LINGO2: variants seen among roughly 807,000 people sequenced by gnomAD.
The protein encoded by LINGO2 is leucine-rich repeat and immunoglobulin-like domain-containing nogo receptor-interacting protein 2.
Under a neutral mutation model 30.6 loss-of-function variants are expected in LINGO2, and 14 were observed. The observed-to-expected ratio is 0.46, with a 90% CI of 0.30 to 0.72. The LOEUF (loss-of-function observed/expected upper bound fraction) is 0.72. Among genes scored for constraint, LINGO2 ranks in the 30% least tolerant of loss-of-function variants. The probability of loss-of-function intolerance (pLI) is 0.07; values close to 1 mark genes in which losing one functional copy is unlikely to be tolerated. For missense variants in LINGO2, 729 were observed against 751.7 expected (o/e 0.97, Z 0.35); for synonymous variants, 317 against 288.5 (o/e 1.10, Z -1.00).
intron 2 of LINGO2, among the ~76,000 whole-genome samples, chr9:28,467,058 C>T (rs1825341167): frequency 1.3e-5 from 2 of 150,398 alleles, no homozygotes; most frequent in Non-Finnish European, 1.5e-5. Flanking sequence ...CGGAGTCTCG[C>T]TCTGTTGCCC....
chr9:28,860,811 CTTAG>C, the LINGO2 span, among the ~76,000 whole-genome samples: 1 of 148,742 alleles, frequency 6.7e-6, no homozygotes, highest in Non-Finnish European at 1.5e-5. Flanking sequence ...ATCACTGTCA[CTTAG>C]TTGTACAAAT....
At chr9:27,971,551 T>A (rs570246280) in intron 5 of LINGO2, among the ~76,000 whole-genome samples, 7 of 152,088 alleles carry the variant, frequency 4.6e-5, no homozygotes, top group Non-Finnish European at 2.9e-5. Flanking sequence ...CCTGGCTAAT[T>A]TTTTTTCTTG....
chr9:28,809,382 T>C, the LINGO2 span, among the ~76,000 whole-genome samples: 1 of 152,216 alleles, frequency 6.6e-6, no homozygotes, highest in Non-Finnish European at 1.5e-5. Flanking sequence ...TCATAGCCCT[T>C]GGCAAGTTTC....
the LINGO2 span, among the ~76,000 whole-genome samples, chr9:28,983,859 C>G: frequency 6.6e-6 from 1 of 151,960 alleles, no homozygotes; most frequent in Non-Finnish European, 1.5e-5. Flanking sequence ...AACTCCTTAA[C>G]AATGCTGATT....
the LINGO2 span, among the ~76,000 whole-genome samples, chr9:28,737,370 C>T: frequency 6.6e-6 from 1 of 152,124 alleles, no homozygotes; most frequent in African/African-American, 2.4e-5. Context: ...ATCAGTGGAG[C>T]CTTACTCAGA....
intron 1 of LINGO2, among the ~76,000 whole-genome samples, chr9:28,636,453 G>A (rs1448166219): frequency 6.6e-6 from 1 of 152,150 alleles, no homozygotes; most frequent in Admixed American, 6.5e-5. Context: ...GTGTAAAAGT[G>A]TTCCTGTTTC....
the LINGO2 span, among the ~76,000 whole-genome samples, chr9:28,991,962 G>A: frequency 1.3e-5 from 2 of 152,072 alleles, no homozygotes; most frequent in East Asian, 1.9e-4. Context: ...ATCAACTAAC[G>A]AGCAAAATAA....
chr9:28,391,263 T>C (rs2134689024), intron 2 of LINGO2, among the ~76,000 whole-genome samples: 1 of 152,102 alleles, frequency 6.6e-6, no homozygotes, highest in East Asian at 1.9e-4. Flanking sequence ...CATCAGAGAG[T>C]TTCCTTGTGG....
At position 28,057,951 on chromosome 9, in the gene LINGO2, A is replaced by G. The variant is rs115695291; in HGVS notation, c.-86-45546T>C. 4.5e-3 allele frequency among the ~76,000 whole-genome samples: 688 copies of G among 152,240 alleles called. 11 individuals are homozygous for G. Among genetic ancestry groups the G allele is most frequent in the African/African-American group, 0.016 (646 of 41,518 alleles). On this transcript the variant is annotated intron_variant, in intron 4 of 5. Coordinates refer to ENST00000379992, the Ensembl canonical transcript of LINGO2. ...TAGCAGATACCACACTGCATGATAA[A>G]TAATAGCTTTTCTTTTATATACTAT...
the LINGO2 span, among the ~76,000 whole-genome samples, chr9:28,825,669 C>T: frequency 6.6e-6 from 1 of 151,944 alleles, no homozygotes; most frequent in Admixed American, 6.6e-5. Flanking sequence ...GTAAAATAGG[C>T]CTACCTGCTA....
intron 3 of LINGO2, among the ~76,000 whole-genome samples, chr9:28,340,415 A>T (rs1825730468): frequency 1.3e-5 from 2 of 152,158 alleles, no homozygotes; most frequent in Non-Finnish European, 2.9e-5. Flanking sequence ...AACACATTAC[A>T]TTCTTTCTGG....
the LINGO2 span, among the ~76,000 whole-genome samples, chr9:28,839,294 T>C: frequency 6.6e-6 from 1 of 152,058 alleles, no homozygotes; most frequent in Non-Finnish European, 1.5e-5. Flanking sequence ...CACAGACAAC[T>C]GGAGGGTGAA....
intron 4 of LINGO2, among the ~76,000 whole-genome samples, chr9:28,082,309 G>A (rs371507485): frequency 1.3e-4 from 20 of 152,144 alleles, no homozygotes; most frequent in African/African-American, 2.4e-4. Flanking sequence ...TCATATGGGC[G>A]CAGGTATGAT....
At chr9:29,021,727 A>G in the LINGO2 span, among the ~76,000 whole-genome samples, 1 of 151,566 alleles carries the variant, frequency 6.6e-6, no homozygotes, top group Non-Finnish European at 1.5e-5. Context: ...GAAGGAAGGA[A>G]GGAAGGAAGG....
chr9:28,692,244 G>C, the LINGO2 span, among the ~76,000 whole-genome samples: 2 of 152,046 alleles, frequency 1.3e-5, no homozygotes, highest in East Asian at 3.9e-4. Context: ...GGAGGTTGAG[G>C]TCGGCGGATC....
chr9:28,908,735 T>C, the LINGO2 span, among the ~76,000 whole-genome samples: 1 of 151,938 alleles, frequency 6.6e-6, no homozygotes, highest in East Asian at 1.9e-4. Flanking sequence ...TTAAGTTTTT[T>C]CTGTAACAAA....
At chr9:28,288,599 CG>C (rs967533103) in intron 4 of LINGO2, among the ~76,000 whole-genome samples, 2 of 151,944 alleles carry the variant, frequency 1.3e-5, no homozygotes, top group African/African-American at 4.8e-5. Flanking sequence ...GAGGACAGGG[CG>C]GGGAGGCTGC....
chr9:28,014,538 G>A (rs1006771624), intron 4 of LINGO2, among the ~76,000 whole-genome samples: 1 of 152,238 alleles, frequency 6.6e-6, no homozygotes, highest in Admixed American at 6.5e-5. Flanking sequence ...TGATACACTA[G>A]ATAAATTTTA....
chr9:29,106,536 T>C, the LINGO2 span, among the ~76,000 whole-genome samples: 2 of 152,276 alleles, frequency 1.3e-5, no homozygotes, highest in Admixed American at 1.3e-4. Context: ...ACTATGTTTA[T>C]TTCATTCTAC....
Sources: allele counts gnomAD v4.1 joint callset (sites outside exome capture counted in the v4.1 genomes callset), GRCh38; gene constraint gnomAD v4.1.1; transcripts MANE v1.5; gene names NCBI Gene and HGNC (gene_info 2026-07-23, HGNC 2026-07-21).